Variants in DISP3 observed in about 807,000 individuals in gnomAD.
DISP3 encodes dispatched RND transporter family member 3, also known as protein dispatched homolog 3.
In DISP3, 101 loss-of-function variants were observed where a neutral mutation model predicts 135.3. The observed-to-expected ratio is 0.75, with a 90% CI of 0.64 to 0.88. DISP3 has a LOEUF of 0.88. Among genes scored for constraint, DISP3 ranks in the 40% least tolerant of loss-of-function variants. The pLI, the probability that DISP3 is intolerant of heterozygous loss-of-function variation, is 0.00. For synonymous variants in DISP3, 856 were observed against 817.0 expected (o/e 1.05, Z -0.81); for missense variants, 1,713 against 1,878.6 (o/e 0.91, Z 1.63).
intron 3 of DISP3, among the ~76,000 whole-genome samples, chr1:11,504,885 C>G (rs1641653607): frequency 6.6e-6 from 1 of 152,214 alleles, no homozygotes; most frequent in Non-Finnish European, 1.5e-5. Flanking sequence ...CAGACTGAGA[C>G]ACTACCTGTT....
At chr1:11,523,873 C>T in intron 10 of DISP3, 69 bp from the exon 11 acceptor site, 1 of 1,311,704 alleles carries the variant, frequency 7.6e-7, no homozygotes, top group East Asian at 2.4e-5. Context: ...AGCCTCTTCC[C>T]TCTGCCCATC....
In DISP3 at chr1:11,520,614, G is replaced by A. The variant is rs533109495; in HGVS notation, c.2201-73G>A. The A allele has an allele frequency of 2.8e-5, 43 of 1,527,328 alleles. No individual in the cohort carries two copies. The highest frequency in any genetic ancestry group is 6.8e-5 in the African/African-American group (5 of 73,072). 94.6% of individuals were successfully genotyped at this position (1,527,328 alleles called of 1,614,324 possible). ...CCAACAACCAGAGCAGTTGTCTCCC[G>A]GCACTTTGGAGCCCCACTGGGAACA... is the stretch of plus-strand genomic sequence containing the variant. On this transcript the variant is annotated intron_variant, in intron 9 of 20. Transcript: ENST00000294484. The surrounding 1 kb of genome is among the most constrained non-coding windows in gnomAD (Gnocchi z 4.8).
rs201439934 is a variant in DISP3 at position 11,529,838 on chromosome 1, C to T, written c.2981C>T (p.Thr994Met). 508 of 1,613,984 alleles carry T rather than the reference C, an allele frequency of 3.1e-4. 9 individuals are homozygous for T. The South Asian group carries it at 4.0e-3, about 13-fold the overall frequency. ...ATFGFNPCVN[T>M]GCGKPAVRPL... Reference sequence around the variant, plus strand: ...TTCGGCTTCAACCCCTGCGTGAACACGGGCTGCGGGAAGCCGGCGGTGCGG... The same window carrying T: ...TTCGGCTTCAACCCCTGCGTGAACATGGGCTGCGGGAAGCCGGCGGTGCGG... Residue 994 changes from threonine (T) to methionine (M), a missense_variant, in exon 15 of 21, where the codon ACG becomes ATG. Physicochemically the swap from Thr to Met is moderately conservative, Grantham distance 81 (BLOSUM62 -1). Transcript: ENST00000294484. This position sits in a 1 kb window ranked among gnomAD's most constrained non-coding sequence, Gnocchi z 4.7.
intron 1 of DISP3, among the ~76,000 whole-genome samples, chr1:11,488,704 C>A (rs111875173): frequency 1.8e-4 from 27 of 151,942 alleles, no homozygotes; most frequent in African/African-American, 5.6e-4. Context: ...CACAGACACC[C>A]AAGTGGGGGT....
chr1:11,488,707 G>A (rs1641105429), intron 1 of DISP3, among the ~76,000 whole-genome samples: 1 of 152,048 alleles, frequency 6.6e-6, no homozygotes, highest in African/African-American at 2.4e-5. Context: ...AGACACCCAA[G>A]TGGGGGTTGG....
At chr1:11,513,397 A>G (rs955562755) in intron 3 of DISP3, among the ~76,000 whole-genome samples, 16 of 152,012 alleles carry the variant, frequency 1.1e-4, no homozygotes, top group Admixed American at 1.0e-3. Context: ...TTTTAAATGT[A>G]TTTTTGCTGG....
intron 3 of DISP3, among the ~76,000 whole-genome samples, chr1:11,504,313 T>C (rs1641638823): frequency 6.6e-6 from 1 of 152,236 alleles, no homozygotes; most frequent in Admixed American, 6.5e-5. Context: ...TTAAAGCTCA[T>C]CAGTGGTGGA....
chr1:11,496,986 C>T (rs1641353364), intron 1 of DISP3, among the ~76,000 whole-genome samples: 1 of 152,160 alleles, frequency 6.6e-6, no homozygotes, highest in African/African-American at 2.4e-5. Context: ...GCCCTTGTGG[C>T]ACTTTTCATG....
In DISP3 at chr1:11,499,729, GTCTC is replaced by G. The variant is rs58242122; in HGVS notation, c.-3-1256_-3-1253del. ...CCCCCACCATTCCACTCTCCCTTCGGTCTCTCTCCTCTTTTCCTCTGTCTCTGTC... is the reference window on the plus strand; with the variant it reads ...CCCCCACCATTCCACTCTCCCTTCGGTCTCCTCTTTTCCTCTGTCTCTGTC... On this transcript the variant is annotated intron_variant, in intron 1 of 20. Coordinates refer to ENST00000294484, the MANE Select transcript of DISP3 (RefSeq NM_020780.2). The surrounding 1 kb of genome is among the most constrained non-coding windows in gnomAD (Gnocchi z 5.2). Among the ~76,000 whole-genome samples the G allele has an allele frequency of 0.15, 23,259 of 151,458 alleles. 2,895 individuals are homozygous for G. The highest frequency in any genetic ancestry group is 0.35 in the African/African-American group (14,205 of 41,162).
intron 3 of DISP3, among the ~76,000 whole-genome samples, chr1:11,506,999 C>T (rs947018411): frequency 2.6e-5 from 4 of 152,022 alleles, no homozygotes; most frequent in East Asian, 1.9e-4. Context: ...TTTGAGACAG[C>T]GTTTCACTAT....
Position 11,502,101 on chromosome 1 carries a change from G to C in DISP3, c.1096+13G>C. 2 of 1,538,664 alleles carry C rather than the reference G, an allele frequency of 1.3e-6. No homozygotes were observed. Among genetic ancestry groups the C allele is most frequent in the Non-Finnish European group, 1.7e-6 (2 of 1,144,550 alleles). On this transcript the variant is annotated intron_variant, in intron 2 of 20. Transcript: ENST00000294484. ...GCGGACATCCGGGGTGAGCCGCCGGGATGCTGGGAGGGGGCGTAGGTCCAG... is the reference window on the plus strand; with the variant it reads ...GCGGACATCCGGGGTGAGCCGCCGGCATGCTGGGAGGGGGCGTAGGTCCAG...
At chr1:11,502,949 T>C (rs1426932669) in intron 3 of DISP3, 52 bp downstream of exon 3, 1 of 1,470,016 alleles carries the variant, frequency 6.8e-7, no homozygotes, top group African/African-American at 1.4e-5. Flanking sequence ...TGATTTCCAA[T>C]TGCCTCTTAC....
chr1:11,483,675 G>T lies in DISP3; in HGVS notation c.-4+4303G>T, dbSNP rs557289460. Among the ~76,000 whole-genome samples the T allele has an allele frequency of 6.6e-6, 1 of 152,352 alleles. No individual in the cohort carries two copies. Among genetic ancestry groups the T allele is most frequent in the South Asian group, 2.1e-4 (1 of 4,830 alleles). ...AATTCCTCTGCCAGACAGGCCAGAA[G>T]TGAAGGGCGGTACCCTCACCTGCGT... On this transcript the variant is annotated intron_variant, in intron 1 of 20. Transcript: ENST00000294484. The surrounding 1 kb of genome is among the most constrained non-coding windows in gnomAD (Gnocchi z 5.4).
intron 1 of DISP3, 102 bp downstream of exon 1, chr1:11,479,474 C>A (rs1031585409): frequency 1.3e-5 from 2 of 152,330 alleles, no homozygotes; most frequent in African/African-American, 2.4e-5. Flanking sequence ...GCACCCCGAC[C>A]TGCTTGGCGC....
intron 3 of DISP3, among the ~76,000 whole-genome samples, chr1:11,503,654 C>G (rs1641618560): frequency 6.6e-6 from 1 of 152,154 alleles, no homozygotes; most frequent in Admixed American, 6.5e-5. Context: ...CCACCCCAGC[C>G]ACTGAGATGC....
At position 11,501,136 on chromosome 1, in the gene DISP3, C is replaced by A. The variant is rs776887978; in HGVS notation, c.144C>A (p.His48Gln). ...PGAGGQCCWRHWPLASRPPAS... is the reference protein window; with the variant it reads ...PGAGGQCCWRQWPLASRPPAS... ...CAGGGGGACAGTGTTGCTGGCGGCA[C>A]TGGCCCCTGGCTTCCCGACCCCCAG... The change falls in exon 2 of 21, where the codon CAC becomes CAA. Residue 48 changes from histidine (H) to glutamine (Q), a missense_variant. Coordinates refer to ENST00000294484, the MANE Select transcript of DISP3 (RefSeq NM_020780.2). This position sits in a 1 kb window ranked among gnomAD's most constrained non-coding sequence, Gnocchi z 4.9. 6.2e-7 allele frequency: 1 copy of A among 1,613,880 alleles called. No homozygotes were observed. Among genetic ancestry groups the A allele is most frequent in the South Asian group, 1.1e-5 (1 of 91,064 alleles).
chr1:11,490,943 G>C (rs564465265), intron 1 of DISP3, among the ~76,000 whole-genome samples: 1 of 152,344 alleles, frequency 6.6e-6, no homozygotes, highest in African/African-American at 2.4e-5. Flanking sequence ...CTGGCAGATA[G>C]TAAGCCCTTG....
intron 3 of DISP3, among the ~76,000 whole-genome samples, chr1:11,504,030 C>G (rs1299236652): frequency 6.6e-6 from 1 of 152,156 alleles, no homozygotes; most frequent in African/African-American, 2.4e-5. Context: ...AGTCCCCCAC[C>G]CTGATAGGCC....
intron 1 of DISP3, among the ~76,000 whole-genome samples, chr1:11,484,869 G>A (rs1437034135): frequency 6.6e-6 from 1 of 152,060 alleles, no homozygotes; most frequent in African/African-American, 2.4e-5. Context: ...TAGTGTCCAG[G>A]GACCTCAACC....
Sources: allele counts gnomAD v4.1 joint callset (sites outside exome capture counted in the v4.1 genomes callset), GRCh38; gene constraint gnomAD v4.1.1; non-coding constraint Gnocchi (gnomAD v3.1); transcripts MANE v1.5; gene names NCBI Gene and HGNC (gene_info 2026-07-23, HGNC 2026-07-21).